Variants in TTR observed in about 807,000 individuals in gnomAD.
TTR encodes the protein transthyretin.
A neutral mutation model predicts 13.7 loss-of-function variants in TTR; 8 were observed. The observed-to-expected ratio is 0.58, with a 90% confidence interval of 0.34 to 1.05. The LOEUF (loss-of-function observed/expected upper bound fraction) is 1.05, where lower values mean the gene tolerates loss of function less well. TTR is among the 50% of genes least tolerant of loss of function. The pLI, the probability that TTR is intolerant of heterozygous loss-of-function variation, is 0.02. For synonymous variants in TTR, 75 were observed against 71.7 expected, an observed-to-expected ratio of 1.05 and a Z score of -0.23; for missense variants, 135 against 185.5, an observed-to-expected ratio of 0.73 and a Z score of 1.58.
chr18:31,592,073 C>CAAGG, intron 1 of TTR, 102 bp downstream of exon 1: 2 of 1,117,618 alleles, frequency 1.8e-6, no homozygotes, highest in Non-Finnish European at 2.7e-6. Flanking sequence ...ATTACTAGGG[C>CAAGG]AAGGGTACCC....
At chr18:31,595,652 T>C (rs753737001) in intron 3 of TTR, 230 of 363,456 alleles carry the variant, frequency 6.3e-4, no homozygotes, top group Non-Finnish European at 1.1e-3. Flanking sequence ...AAAACACATC[T>C]GGCTTCTCGG....
rs1804118 is a variant in TTR, at chr18:31,598,644, C to T, written c.413C>T (p.Thr138Ile). The change falls in exon 4 of 4, where the codon ACC (threonine) becomes ATC (isoleucine). Residue 138 changes from threonine (T) to isoleucine (I), a missense_variant. Physicochemically the swap from Thr to Ile is moderately conservative, Grantham distance 89. Transcript: ENST00000237014. ...AALLSPYSYSTTAVVTNPKE is the reference protein window; with the variant it reads ...AALLSPYSYSITAVVTNPKE ...CTGCTGAGCCCCTACTCCTATTCCA[C>T]CACGGCTGTCGTCACCAATCCCAAG... 6.2e-7 allele frequency: 1 copy of T among 1,614,202 alleles called. No individual in the cohort carries two copies. Among genetic ancestry groups the T allele is most frequent in the Non-Finnish European group, 8.5e-7 (1 of 1,180,046 alleles).
At chr18:31,596,011 C>T (rs935475810) in intron 3 of TTR, 2 of 156,578 alleles carry the variant, frequency 1.3e-5, no homozygotes, top group Non-Finnish European at 2.9e-5. Context: ...AAACTTTTTC[C>T]CTTGTGAAAG....
chr18:31,592,580 T>C (rs1055546989), intron 1 of TTR, among the ~76,000 whole-genome samples: 2 of 152,202 alleles, frequency 1.3e-5, no homozygotes, highest in Admixed American at 6.5e-5. Flanking sequence ...CATTACATCT[T>C]TTCAGTAATT....
intron 2 of TTR, 195 bp downstream of exon 2, chr18:31,593,221 C>A: frequency 1.5e-6 from 1 of 653,040 alleles, no homozygotes; most frequent in Non-Finnish European, 2.5e-6. Flanking sequence ...GGAACCTGAG[C>A]ATCATTTAGG....
chr18:31,598,595 C>A lies in TTR; in HGVS notation c.364C>A (p.Pro122Thr). ...EVVFTANDSG[P>T]RRYTIAALLS... ...GGTATTCACAGCCAACGACTCCGGCCCCCGCCGCTACACCATTGCCGCCCT... is the reference window on the plus strand; with the variant it reads ...GGTATTCACAGCCAACGACTCCGGCACCCGCCGCTACACCATTGCCGCCCT... The change falls in exon 4 of 4, where the codon CCC becomes ACC. Residue 122 changes from proline to threonine, a missense_variant. Coordinates refer to ENST00000237014, the MANE Select transcript of TTR (RefSeq NM_000371.4). 1 of 1,614,176 alleles carries A rather than the reference C, an allele frequency of 6.2e-7. No individual in the cohort carries two copies. Among genetic ancestry groups the A allele is most frequent in the African/African-American group, 1.3e-5 (1 of 75,048 alleles).
chr18:31,593,181 T>G (rs2144407078), intron 2 of TTR, 155 bp downstream of exon 2: 1 of 1,116,538 alleles, frequency 9.0e-7, no homozygotes, highest in South Asian at 1.4e-5. Flanking sequence ...GGATGCCCTC[T>G]TTTTGTTTTG....
chr18:31,592,051 C>A, intron 1 of TTR, 80 bp downstream of exon 1: 3 of 1,486,610 alleles, frequency 2.0e-6, no homozygotes, highest in South Asian at 1.1e-5. Flanking sequence ...CCAGCTTTGC[C>A]AACCAGCTTT....
intron 2 of TTR, among the ~76,000 whole-genome samples, chr18:31,594,585 C>T (rs563021822): frequency 1.4e-4 from 21 of 152,288 alleles, no homozygotes; most frequent in Admixed American, 2.6e-4. Flanking sequence ...TATACCTGGC[C>T]GGGCACGGTG....
At chr18:31,598,060 G>A (rs954627554) in intron 3 of TTR, 9 of 219,356 alleles carry the variant, frequency 4.1e-5, no homozygotes, top group Non-Finnish European at 7.5e-5. Flanking sequence ...CAGGAGACTT[G>A]CCTTCCTACT....
intron 2 of TTR, 36 bp from the exon 3 acceptor site, chr18:31,595,084 C>T: frequency 1.2e-6 from 2 of 1,613,148 alleles, no homozygotes; most frequent in Non-Finnish European, 8.5e-7. Flanking sequence ...TTGTTTCCTC[C>T]ATGCGTAACT....
chr18:31,598,693 G>A lies in TTR; in HGVS notation c.*18G>A. 1 of 1,609,298 alleles carries A rather than the reference G, an allele frequency of 6.2e-7. No individual in the cohort carries two copies. The highest frequency in any genetic ancestry group is 8.5e-7 in the Non-Finnish European group (1 of 1,175,630). On this transcript the variant is annotated 3_prime_UTR_variant, in exon 4 of 4. Coordinates refer to ENST00000237014, the MANE Select transcript of TTR (RefSeq NM_000371.4). The stretch of plus-strand genomic sequence containing the variant: ...AGGAATGAGGGACTTCTCCTCCAGT[G>A]GACCTGAAGGACGAGGGATGGGATT...
chr18:31,592,769 CTT>C, intron 1 of TTR, 125 bp from the exon 2 acceptor site: 1 of 1,282,846 alleles, frequency 7.8e-7, no homozygotes, highest in African/African-American at 1.5e-5. Context: ...ATTGTCGACA[CTT>C]ACGTTCCTGA....
intron 3 of TTR, chr18:31,598,220 C>A: frequency 5.3e-6 from 2 of 376,434 alleles, no homozygotes; most frequent in Non-Finnish European, 1.0e-5. Context: ...TTCAATGACT[C>A]AATGCAGTTT....
intron 2 of TTR, chr18:31,593,229 A>G (rs1325024770): frequency 5.1e-6 from 3 of 593,162 alleles, no homozygotes; most frequent in Non-Finnish European, 8.5e-6. Flanking sequence ...AGCATCATTT[A>G]GGGGCAGACA....
In TTR at chr18:31,591,887, A is replaced by G; in HGVS notation, c.-16A>G. On this transcript the variant is annotated 5_prime_UTR_variant, in exon 1 of 4. Transcript: ENST00000237014. ...CTGGGAGCAGCCATCACAGAAGTCC[A>G]CTCATTCTTGGCAGGATGGCTTCTC... 7 of 1,613,646 alleles carry G rather than the reference A, an allele frequency of 4.3e-6. No homozygotes were observed. The highest frequency in any genetic ancestry group is 5.9e-6 in the Non-Finnish European group (7 of 1,179,754).
intron 2 of TTR, chr18:31,593,592 T>G (rs1197799322): frequency 6.4e-6 from 1 of 157,196 alleles, no homozygotes; most frequent in African/African-American, 2.4e-5. Context: ...ATGAACACTT[T>G]GGGGCACCTA....
chr18:31,592,174 T>G lies in TTR; in HGVS notation c.69+203T>G, dbSNP rs1035592993. On this transcript the variant is annotated intron_variant, in intron 1 of 3. Transcript: ENST00000237014. ...GCTGGGACTTGAACTCTGAGCATTC[T>G]ACCTCATTGCTTTGGTGCATTAGGT... Among the ~76,000 whole-genome samples, 5 of 152,212 alleles carry G rather than the reference T, an allele frequency of 3.3e-5. No individual in the cohort carries two copies. In the South Asian group the frequency reaches 1.0e-3, roughly 32 times the overall value.
At position 31,598,654 on chromosome 18, in the gene TTR, C is replaced by T. The variant is rs557320637; in HGVS notation, c.423C>T (p.Val141=). The T allele has an allele frequency of 3.7e-6, 6 of 1,614,154 alleles. No homozygotes were observed. The South Asian group carries it at 4.4e-5, about 12-fold the overall frequency. Residue 141 remains valine (V), a synonymous_variant, in exon 4 of 4, where the codon GTC becomes GTT. Transcript: ENST00000237014. ...CCTACTCCTATTCCACCACGGCTGT[C>T]GTCACCAATCCCAAGGAATGAGGGA... ...LSPYSYSTTA[V]VTNPKE
Sources: gnomAD v4.1 joint callset for allele counts (sites outside exome capture counted in the v4.1 genomes callset) on GRCh38, gnomAD v4.1.1 for gene constraint, MANE v1.5 for transcripts, NCBI Gene and HGNC (gene_info 2026-07-23, HGNC 2026-07-21) for gene names.